The following ZFYVE9 variants were observed in gnomAD, a reference collection of about 807,000 sequenced individuals.
The protein encoded by ZFYVE9 is zinc finger FYVE domain-containing protein 9.
ZFYVE9 carries 43 observed loss-of-function variants against 126.7 expected under a neutral mutation model. The observed-to-expected ratio is 0.34, with a 90% CI of 0.27 to 0.44. The LOEUF is 0.44. Ranked by LOEUF, ZFYVE9 falls within the 20% of genes least tolerant of loss-of-function variation. ZFYVE9 has a pLI of 1.00. For missense variants in ZFYVE9, 1,476 were observed against 1,697.0 expected, an observed-to-expected ratio of 0.87 and a Z score of 2.29; for synonymous variants, 521 against 597.4, an observed-to-expected ratio of 0.87 and a Z score of 1.87.
At chr1:52,145,226 T>C (rs1005685349) in intron 1 of ZFYVE9, among the ~76,000 whole-genome samples, 1 of 152,252 alleles carries the variant, frequency 6.6e-6, no homozygotes, top group African/African-American at 2.4e-5. Context: ...TTATATTGCC[T>C]GGTGATAGTT....
chr1:52,301,551 AC>A (rs1646035960), intron 12 of ZFYVE9, among the ~76,000 whole-genome samples: 1 of 151,348 alleles, frequency 6.6e-6, no homozygotes. Flanking sequence ...CTATCCTTCC[AC>A]CTCAGCCTCC....
At chr1:52,196,279 A>G (rs569031083) in intron 1 of ZFYVE9, among the ~76,000 whole-genome samples, 8 of 152,312 alleles carry the variant, frequency 5.3e-5, no homozygotes, top group African/African-American at 1.7e-4. Context: ...AAAATTTTAC[A>G]GTGGTTCTTT....
chr1:52,316,165 CAAAAAAAAA>C lies in ZFYVE9; in HGVS notation c.3438+12257_3438+12265del, dbSNP rs367815611. ...GGGCAACAAGAGTGAAACTCCATCT[CAAAAAAAAA>C]AAAAAAAAAAAAAAAAGAAAAGAAA... On this transcript the variant is annotated intron_variant, in intron 13 of 18. Transcript: ENST00000287727. 2.8e-4 allele frequency among the ~76,000 whole-genome samples: 11 copies of C among 39,218 alleles called. No homozygotes were observed. In the South Asian group the frequency reaches 6.1e-3, roughly 22 times the overall value. The allele number at this position is 39,218 out of a possible 152,430, so 25.7% of individuals were successfully genotyped here.
At chr1:52,322,530 A>G (rs1646251258) in intron 13 of ZFYVE9, among the ~76,000 whole-genome samples, 1 of 151,392 alleles carries the variant, frequency 6.6e-6, no homozygotes, top group African/African-American at 2.4e-5. Flanking sequence ...GGTGTGCACC[A>G]CCATGCCCGG....
At chr1:52,314,845 C>T (rs1234953470) in intron 13 of ZFYVE9, among the ~76,000 whole-genome samples, 3 of 151,556 alleles carry the variant, frequency 2.0e-5, no homozygotes, top group Non-Finnish European at 4.4e-5. Flanking sequence ...CCGCCAGGCG[C>T]GGTGGTGGGC....
chr1:52,233,143 C>A, intron 2 of ZFYVE9, 28 bp from the exon 3 acceptor site: 2 of 1,019,962 alleles, frequency 2.0e-6, no homozygotes, highest in South Asian at 2.4e-5. Context: ...TTTAATAATT[C>A]AAAATGTAAT....
intron 1 of ZFYVE9, among the ~76,000 whole-genome samples, chr1:52,148,924 C>CCACT (rs1644328890): frequency 6.9e-6 from 1 of 145,790 alleles, no homozygotes; most frequent in Non-Finnish European, 1.5e-5. Flanking sequence ...CAGGAATGAG[C>CCACT]CACTGTTCCC....
intron 1 of ZFYVE9, among the ~76,000 whole-genome samples, chr1:52,148,947 A>ATCTT (rs1644329288): frequency 2.9e-5 from 1 of 34,218 alleles, no homozygotes; most frequent in African/African-American, 9.0e-5. Context: ...CCTTAACATG[A>ATCTT]TTTTTTTTTT....
Position 52,318,900 on chromosome 1 carries a change from C to G in ZFYVE9, c.3439-13868C>G, listed in dbSNP as rs775338789. Among the ~76,000 whole-genome samples the G allele has an allele frequency of 1.4e-4, 21 of 152,120 alleles. 1 individual carries two copies. Among genetic ancestry groups the G allele is most frequent in the Non-Finnish European group, 2.6e-4 (18 of 68,020 alleles). On this transcript the variant is annotated intron_variant, in intron 13 of 18. Coordinates refer to ENST00000287727, the MANE Select transcript of ZFYVE9 (RefSeq NM_004799.4). Reference sequence around the variant, plus strand: ...TTGCTTGAGCCCAGGAGTTCTAGACCAGCCTGGGCAACACGGTGAGAACCT... The same window carrying G: ...TTGCTTGAGCCCAGGAGTTCTAGACGAGCCTGGGCAACACGGTGAGAACCT...
At chr1:52,327,890 C>T (rs959552585) in intron 13 of ZFYVE9, among the ~76,000 whole-genome samples, 4 of 151,048 alleles carry the variant, frequency 2.6e-5, no homozygotes, top group African/African-American at 7.3e-5. Flanking sequence ...AGGAGAATCG[C>T]GTGAACTCAG....
Position 52,278,763 on chromosome 1 carries a change from G to A in ZFYVE9, c.2869+149G>A. The A allele has an allele frequency of 8.1e-6, 5 of 618,602 alleles. No individual in the cohort carries two copies. The South Asian group carries it at 9.3e-5, about 12-fold the overall frequency. The allele number at this position is 618,602 out of a possible 1,614,324, so 38.3% of individuals were successfully genotyped here. On this transcript the variant is annotated intron_variant, in intron 9 of 18. Transcript: ENST00000287727. The stretch of plus-strand genomic sequence containing the variant: ...TTTTTTTGAGACAGAATCTCGCTGT[G>A]TCACCCAGGCTGGAGTGCAGTGGCA...
rs151282484 is a variant in ZFYVE9 at position 52,214,070 on chromosome 1, A to G, written c.-142-2299A>G. Among the ~76,000 whole-genome samples the G allele has an allele frequency of 4.1e-3, 617 of 152,312 alleles. 1 individual carries two copies. The highest frequency in any genetic ancestry group is 6.5e-3 in the Admixed American group (99 of 15,302). On this transcript the variant is annotated intron_variant, in intron 1 of 18. Transcript: ENST00000287727. ...TTGAATAGAGGATACTTTGAATTGA[A>G]GGATACCAAGCATATCAGGAGGGGA...
intron 1 of ZFYVE9, among the ~76,000 whole-genome samples, chr1:52,169,172 G>A (rs28716393): frequency 0.036 from 5,444 of 152,172 alleles, 239 homozygotes; most frequent in African/African-American, 0.11. Flanking sequence ...AGGCAGAGGC[G>A]GGTAGATTGC....
At chr1:52,345,116 G>C (rs1188685417) in intron 18 of ZFYVE9, among the ~76,000 whole-genome samples, 172 bp downstream of exon 18, 3 of 152,082 alleles carry the variant, frequency 2.0e-5, no homozygotes, top group Non-Finnish European at 2.9e-5. Context: ...GTGATGCTTG[G>C]TCAGATTCTC....
At chr1:52,204,249 C>T (rs1432150227) in intron 1 of ZFYVE9, among the ~76,000 whole-genome samples, 1 of 152,104 alleles carries the variant, frequency 6.6e-6, no homozygotes, top group Non-Finnish European at 1.5e-5. Flanking sequence ...TTTAGCAAGC[C>T]TCTGCCCCTG....
intron 3 of ZFYVE9, among the ~76,000 whole-genome samples, chr1:52,235,014 T>TA (rs1645261055): frequency 6.6e-6 from 1 of 152,202 alleles, no homozygotes; most frequent in South Asian, 2.1e-4. Context: ...TAGATTCTAT[T>TA]AGGGTGCTTT....
chr1:52,292,538 C>G (rs1645932607), intron 10 of ZFYVE9, among the ~76,000 whole-genome samples: 1 of 138,150 alleles, frequency 7.2e-6, no homozygotes, highest in South Asian at 2.4e-4. Context: ...GTGGCACAAT[C>G]TTGGCTCACT....
At chr1:52,261,501 C>T (rs904877002) in intron 4 of ZFYVE9, among the ~76,000 whole-genome samples, 37 of 152,160 alleles carry the variant, frequency 2.4e-4, no homozygotes, top group African/African-American at 8.9e-4. Flanking sequence ...TCTGCCACAT[C>T]CCCATTGGGT....
chr1:52,254,175 T>C, intron 4 of ZFYVE9: 1 of 624,362 alleles, frequency 1.6e-6, no homozygotes, highest in Non-Finnish European at 2.7e-6. Flanking sequence ...TATTGTTCAA[T>C]AAGGTGACTT....
Sources: allele counts gnomAD v4.1 joint callset (sites outside exome capture counted in the v4.1 genomes callset), GRCh38; gene constraint gnomAD v4.1.1; transcripts MANE v1.5; gene names NCBI Gene and HGNC (gene_info 2026-07-23, HGNC 2026-07-21).